Variants in ISM1 observed in about 807,000 individuals in gnomAD.
ISM1 encodes the protein isthmin-1.
A neutral mutation model predicts 46.3 loss-of-function variants in ISM1; 25 were observed. That is an observed-to-expected ratio of 0.54 (90% CI 0.39 to 0.75). The LOEUF (loss-of-function observed/expected upper bound fraction) is 0.75, where lower values mean the gene tolerates loss of function less well. Among genes scored for constraint, ISM1 ranks in the 30% least tolerant of loss-of-function variants. The pLI is 0.00. For synonymous variants in ISM1, 255 were observed against 256.7 expected, an observed-to-expected ratio of 0.99 and a Z score of 0.06; for missense variants, 536 against 625.4, an observed-to-expected ratio of 0.86 and a Z score of 1.52.
intron 1 of ISM1, among the ~76,000 whole-genome samples, chr20:13,267,448 G>A (rs1250781088): frequency 1.3e-5 from 2 of 152,120 alleles, no homozygotes; most frequent in Non-Finnish European, 2.9e-5. Flanking sequence ...TGACCCTAAC[G>A]CGACACTTCC....
At chr20:13,230,091 A>C (rs2094284961) in intron 1 of ISM1, among the ~76,000 whole-genome samples, 1 of 152,170 alleles carries the variant, frequency 6.6e-6, no homozygotes, top group South Asian at 2.1e-4. Flanking sequence ...TTAATCTTTG[A>C]GGTTTGGGGG....
At chr20:13,307,095 A>G in the ISM1 span, among the ~76,000 whole-genome samples, 1 of 152,208 alleles carries the variant, frequency 6.6e-6, no homozygotes, top group East Asian at 1.9e-4. Context: ...ACTACTCACC[A>G]GCAGCAAATG....
chr20:13,233,943 C>A (rs2039619031), intron 1 of ISM1, among the ~76,000 whole-genome samples: 1 of 152,170 alleles, frequency 6.6e-6, no homozygotes, highest in Admixed American at 6.5e-5. Flanking sequence ...ATGCCCAGAA[C>A]TACTGAATCA....
rs373007288 is a variant in ISM1, at chr20:13,276,243, A to T, written c.379-3391A>T. 3.9e-5 allele frequency among the ~76,000 whole-genome samples: 6 copies of T among 152,180 alleles called. No homozygotes were observed. The East Asian group carries it at 9.6e-4, about 24-fold the overall frequency. The stretch of plus-strand genomic sequence containing the variant: ...GCTCACAAGGCTTAGAGGACCAACA[A>T]GCAAGAAGGCTTTCCTGAGTTTGAA... On this transcript the variant is annotated intron_variant, in intron 2 of 5. Coordinates refer to ENST00000262487, the MANE Select transcript of ISM1 (RefSeq NM_080826.2).
At chr20:13,273,494 T>C (rs932452546) in intron 2 of ISM1, among the ~76,000 whole-genome samples, 2 of 152,080 alleles carry the variant, frequency 1.3e-5, no homozygotes, top group African/African-American at 2.4e-5. Context: ...CCTCAGCCTC[T>C]CAAAATGCGG....
intron 1 of ISM1, among the ~76,000 whole-genome samples, chr20:13,254,883 C>G (rs1358147687): frequency 2.0e-5 from 3 of 152,216 alleles, no homozygotes; most frequent in Non-Finnish European, 4.4e-5. Context: ...TCCTGTTTGT[C>G]ATTCCTTCCT....
At chr20:13,290,445 C>G (rs1387972035) in intron 4 of ISM1, among the ~76,000 whole-genome samples, 1 of 152,232 alleles carries the variant, frequency 6.6e-6, no homozygotes, top group South Asian at 2.1e-4. Flanking sequence ...GTCAGGAGAT[C>G]GAGACCATCC....
At chr20:13,303,447 A>G (rs1321291), downstream of ISM1, among the ~76,000 whole-genome samples, 85,328 of 152,086 alleles carry the variant, frequency 0.56, 25,364 homozygotes, top group African/African-American at 0.76. Flanking sequence ...CCATGGGTGA[A>G]AACAAAGATG....
chr20:13,244,101 C>T (rs2039764747), intron 1 of ISM1: 1 of 152,130 alleles, frequency 6.6e-6, no homozygotes, highest in Non-Finnish European at 1.5e-5. Flanking sequence ...TAGACAAATC[C>T]AAACAAGGTA....
At position 13,254,713 on chromosome 20, in the gene ISM1, G is replaced by T. The variant is rs192472883; in HGVS notation, c.139-15791G>T. On this transcript the variant is annotated intron_variant, in intron 1 of 5. Coordinates refer to ENST00000262487, the MANE Select transcript of ISM1 (RefSeq NM_080826.2). ...ACTGTGCCATCCTGTGCCAGGACTCGGGGTCACCACACAGGTAAGGGCCAA... is the reference window on the plus strand; with the variant it reads ...ACTGTGCCATCCTGTGCCAGGACTCTGGGTCACCACACAGGTAAGGGCCAA... Among the ~76,000 whole-genome samples the T allele has an allele frequency of 1.4e-4, 21 of 152,276 alleles. 1 individual carries two copies. Among genetic ancestry groups the T allele is most frequent in the African/African-American group, 4.8e-4 (20 of 41,562 alleles).
At chr20:13,232,491 C>T (rs907082017) in intron 1 of ISM1, among the ~76,000 whole-genome samples, 7 of 152,068 alleles carry the variant, frequency 4.6e-5, no homozygotes, top group African/African-American at 1.2e-4. Context: ...TTTTTATTAC[C>T]AATTAATATT....
intron 1 of ISM1, among the ~76,000 whole-genome samples, chr20:13,230,395 C>T (rs906725750): frequency 1.3e-5 from 2 of 152,058 alleles, no homozygotes; most frequent in African/African-American, 4.8e-5. Context: ...GTTCCTTTGT[C>T]GTCTCCAAAT....
intron 3 of ISM1, among the ~76,000 whole-genome samples, chr20:13,284,950 G>A (rs953042368): frequency 6.6e-6 from 1 of 152,196 alleles, no homozygotes; most frequent in Non-Finnish European, 1.5e-5. Flanking sequence ...TTTTAGGGAG[G>A]ATTTTATGGG....
At chr20:13,305,221 C>T (rs890106385), downstream of ISM1, among the ~76,000 whole-genome samples, 3 of 145,734 alleles carry the variant, frequency 2.1e-5, no homozygotes, top group Non-Finnish European at 4.5e-5. Flanking sequence ...AAAAAAAAAC[C>T]CTTAATTTTT....
chr20:13,247,342 ATGT>A (rs2039807605), intron 1 of ISM1, among the ~76,000 whole-genome samples: 2 of 152,136 alleles, frequency 1.3e-5, no homozygotes, highest in South Asian at 2.1e-4. Flanking sequence ...GCATCAGGAA[ATGT>A]TGTGTCTTTA....
the ISM1 span, among the ~76,000 whole-genome samples, chr20:13,307,589 T>C: frequency 6.6e-6 from 1 of 152,202 alleles, no homozygotes; most frequent in African/African-American, 2.4e-5. Context: ...CCCCGTCCAG[T>C]AACGGGCACT....
intron 3 of ISM1, among the ~76,000 whole-genome samples, chr20:13,282,904 C>T (rs998608296): frequency 1.3e-5 from 2 of 152,332 alleles, no homozygotes; most frequent in South Asian, 2.1e-4. Flanking sequence ...ATTGTAGGTG[C>T]TCAGTAGCAT....
intron 1 of ISM1, among the ~76,000 whole-genome samples, chr20:13,225,038 A>G (rs901994017): frequency 6.7e-6 from 1 of 148,354 alleles, no homozygotes; most frequent in Non-Finnish European, 1.5e-5. Flanking sequence ...TATTTTTAGT[A>G]GAGACGGGGT....
In ISM1 at chr20:13,221,315, C is replaced by A. The variant is rs2039443118; in HGVS notation, c.-462C>A. Among the ~76,000 whole-genome samples the A allele has an allele frequency of 6.7e-6, 1 of 148,304 alleles. No homozygotes were observed. Among genetic ancestry groups the A allele is most frequent in the South Asian group, 2.1e-4 (1 of 4,732 alleles). On this transcript the variant is annotated 5_prime_UTR_variant, in exon 1 of 6. Transcript: ENST00000262487. ...CGCTTCTCTGGCGGCCGCTCCCGCT[C>A]CAGCTGCGGCGCCGCGGCCACATCT...
Sources: gnomAD v4.1 joint callset for allele counts (sites outside exome capture counted in the v4.1 genomes callset) on GRCh38, gnomAD v4.1.1 for gene constraint, MANE v1.5 for transcripts, NCBI Gene and HGNC (gene_info 2026-07-23, HGNC 2026-07-21) for gene names.